Variants in CSMD2 observed in about 807,000 individuals in gnomAD.
CSMD2 encodes CUB and Sushi multiple domains 2.
In CSMD2, 130 loss-of-function variants were observed where a neutral mutation model predicts 398.5. The ratio of observed to expected loss-of-function variants is 0.33; its 90% confidence interval spans 0.28 to 0.38. The LOEUF (loss-of-function observed/expected upper bound fraction) is 0.38, where lower values mean the gene tolerates loss of function less well. CSMD2 is among the 10% of genes least tolerant of loss of function. CSMD2 has a pLI of 1.00. For synonymous variants in CSMD2, 1,828 were observed against 1,908.5 expected, an observed-to-expected ratio of 0.96 and a Z score of 1.10; for missense variants, 3,829 against 4,764.9, an observed-to-expected ratio of 0.80 and a Z score of 5.78.
chr1:33,690,569 A>G (rs1486675387), intron 25 of CSMD2, among the ~76,000 whole-genome samples: 1 of 152,228 alleles, frequency 6.6e-6, no homozygotes, highest in Non-Finnish European at 1.5e-5. Flanking sequence ...ATATGAGGGA[A>G]TGAATGCATC....
chr1:33,619,535 T>C (rs1188924056), intron 37 of CSMD2, among the ~76,000 whole-genome samples: 2 of 152,182 alleles, frequency 1.3e-5, no homozygotes, highest in Non-Finnish European at 2.9e-5. Context: ...AACTCACATA[T>C]AACAAAATGC....
chr1:33,596,592 A>T (rs115225728), intron 44 of CSMD2, among the ~76,000 whole-genome samples: 1,794 of 152,284 alleles, frequency 0.012, 35 homozygotes, highest in African/African-American at 0.04. Flanking sequence ...AAGGGGAAGC[A>T]AACACGTCTT....
chr1:33,896,516 C>T (rs530199692), intron 5 of CSMD2, among the ~76,000 whole-genome samples: 1 of 152,310 alleles, frequency 6.6e-6, no homozygotes, highest in South Asian at 2.1e-4. Context: ...TCCTGTGACA[C>T]TAACTCCCTG....
chr1:33,600,725 A>T, intron 44 of CSMD2, 140 bp downstream of exon 44: 1 of 791,518 alleles, frequency 1.3e-6, no homozygotes, highest in Non-Finnish European at 2.0e-6. Context: ...TAATTCTCAT[A>T]ACTCTGAAGA....
chr1:33,825,862 T>A, intron 6 of CSMD2, 88 bp from the exon 7 acceptor site: 1 of 1,086,386 alleles, frequency 9.2e-7, no homozygotes, highest in Non-Finnish European at 1.4e-6. Flanking sequence ...CCCTTGTGCC[T>A]TGGAACATTC....
At chr1:34,130,211 G>A (rs1490080077) in intron 1 of CSMD2, among the ~76,000 whole-genome samples, 3 of 152,004 alleles carry the variant, frequency 2.0e-5, no homozygotes, top group Non-Finnish European at 2.9e-5. Flanking sequence ...AACAACAGTA[G>A]ATCATATAAT....
intron 25 of CSMD2, among the ~76,000 whole-genome samples, chr1:33,683,195 ACTGT>A (rs143096005): frequency 0.012 from 1,901 of 152,120 alleles, 38 homozygotes; most frequent in African/African-American, 0.042. Context: ...TACCTTAATC[ACTGT>A]CTGTCTATTT....
chr1:33,919,739 T>C (rs10914814), intron 4 of CSMD2, among the ~76,000 whole-genome samples: 25,963 of 152,218 alleles, frequency 0.17, 2,652 homozygotes, highest in African/African-American at 0.29. Context: ...AGAATAGTTA[T>C]GATGGGGATG....
chr1:34,101,667 T>C (rs1036048706), intron 1 of CSMD2, among the ~76,000 whole-genome samples: 9 of 152,192 alleles, frequency 5.9e-5, no homozygotes, highest in African/African-American at 2.2e-4. Context: ...AATTTTAATT[T>C]CTTCTTTTTG....
intron 32 of CSMD2, among the ~76,000 whole-genome samples, chr1:33,630,715 C>T (rs1279934184): frequency 6.6e-6 from 1 of 152,116 alleles, no homozygotes; most frequent in African/African-American, 2.4e-5. Flanking sequence ...CATTCTTTCA[C>T]TACATGGAAA....
chr1:33,812,813 C>T (rs1304461295), intron 9 of CSMD2, among the ~76,000 whole-genome samples: 1 of 152,188 alleles, frequency 6.6e-6, no homozygotes, highest in Non-Finnish European at 1.5e-5. Context: ...GATAATCAGA[C>T]TCCCAATGCC....
intron 1 of CSMD2, among the ~76,000 whole-genome samples, chr1:34,128,566 C>G (rs1450633828): frequency 6.6e-6 from 1 of 152,198 alleles, no homozygotes; most frequent in African/African-American, 2.4e-5. Context: ...ATAGACCTGT[C>G]TTGCTGAGCA....
chr1:34,110,040 CA>C (rs57314887), intron 1 of CSMD2, among the ~76,000 whole-genome samples: 1,854 of 63,328 alleles, frequency 0.029, 18 homozygotes, highest in African/African-American at 0.11. Flanking sequence ...GACTCTGTCT[CA>C]AAAAAAAAAA....
Position 33,624,197 on chromosome 1 carries a change from G to A in CSMD2, c.5625+322C>T, listed in dbSNP as rs1333929940. 6.6e-6 allele frequency among the ~76,000 whole-genome samples: 1 copy of A among 152,014 alleles called. No individual in the cohort carries two copies. Among genetic ancestry groups the A allele is most frequent in the African/African-American group, 2.4e-5 (1 of 41,354 alleles). ...CCCACACTTCAGATTCCAGCTCCAGGCCCATTTCTTCTTTTAGCCTCCCCT... is the reference window on the plus strand; with the variant it reads ...CCCACACTTCAGATTCCAGCTCCAGACCCATTTCTTCTTTTAGCCTCCCCT... On this transcript the variant is annotated intron_variant, in intron 35 of 70. Coordinates refer to ENST00000373381, the MANE Select transcript of CSMD2 (RefSeq NM_001281956.2). The surrounding 1 kb of genome is among the most constrained non-coding windows in gnomAD (Gnocchi z 4.7).
chr1:33,519,561 C>A lies in CSMD2; in HGVS notation c.10853G>T (p.Ser3618Ile). The change falls in exon 70 of 71, where the codon AGC becomes ATC. Residue 3618 changes from serine (S) to isoleucine (I), a missense_variant. Ser to Ile is a moderately radical substitution (Grantham distance 142). This residue lies in a region of CSMD2 where 917 missense variants were observed against 1,199.5 expected (regional missense o/e 0.76). Transcript: ENST00000373381. The surrounding 1 kb of genome is among the most constrained non-coding windows in gnomAD (Gnocchi z 5.6). ...TGTGCTGACTGTGAACTCCGCCTCGCTGGCCATGATGTCTGTGGGCTGGAT... is the reference window on the plus strand; with the variant it reads ...TGTGCTGACTGTGAACTCCGCCTCGATGGCCATGATGTCTGTGGGCTGGAT... ...RNIQPTDIMA[S>I]EAEFTVSTVC... is the part of the protein sequence containing the mutation. 6.2e-7 allele frequency: 1 copy of A among 1,614,074 alleles called. No individual in the cohort carries two copies. Among genetic ancestry groups the A allele is most frequent in the Non-Finnish European group, 8.5e-7 (1 of 1,180,028 alleles).
rs765365470 is a variant in CSMD2, at chr1:33,724,702, T to C, written c.2698A>G (p.Ile900Val). 5 of 1,613,634 alleles carry C rather than the reference T, an allele frequency of 3.1e-6. No homozygotes were observed. The highest frequency in any genetic ancestry group is 1.7e-5 in the Admixed American group (1 of 59,996). The change falls in exon 18 of 71, where the codon ATA (isoleucine) becomes GTA (valine). Residue 900 changes from isoleucine to valine, a missense_variant and splice_region_variant. Ile to Val is a conservative substitution (Grantham distance 29). Coordinates refer to ENST00000373381, the MANE Select transcript of CSMD2 (RefSeq NM_001281956.2). ...AGACAGTGGTCTGACTGCAGTGTTA[T>C]AGCTGAAAGAGAGAGGCCACAGCTG... ...DIGFQLRYET[I>V]TLQSDHCLDP...
intron 48 of CSMD2, among the ~76,000 whole-genome samples, chr1:33,578,508 G>A (rs1288263366): frequency 6.6e-6 from 1 of 152,236 alleles, no homozygotes; most frequent in African/African-American, 2.4e-5. Flanking sequence ...AACCCAGGAG[G>A]TGGAGGCTGC....
chr1:33,749,500 T>A (rs576669793), intron 13 of CSMD2, among the ~76,000 whole-genome samples: 2 of 152,168 alleles, frequency 1.3e-5, no homozygotes, highest in Admixed American at 1.3e-4. Context: ...ATAAAATAAG[T>A]GCAATTAGTG....
intron 2 of CSMD2, among the ~76,000 whole-genome samples, chr1:34,066,884 G>A (rs1463018271): frequency 6.6e-6 from 1 of 152,198 alleles, no homozygotes; most frequent in Non-Finnish European, 1.5e-5. Context: ...ATGGTGGAGA[G>A]CGACACTCAA....
Sources: allele counts gnomAD v4.1 joint callset (sites outside exome capture counted in the v4.1 genomes callset), GRCh38; gene constraint gnomAD v4.1.1; regional missense constraint gnomAD v4.1.1; non-coding constraint Gnocchi (gnomAD v3.1); transcripts MANE v1.5; gene names NCBI Gene and HGNC (gene_info 2026-07-23, HGNC 2026-07-21).